ARID1B: variants seen among roughly 807,000 people sequenced by gnomAD.
ARID1B encodes the protein AT-rich interaction domain 1B.
A neutral mutation model predicts 212.3 loss-of-function variants in ARID1B; 30 were observed. The ratio of observed to expected loss-of-function variants is 0.14; its 90% CI spans 0.11 to 0.19. The LOEUF (loss-of-function observed/expected upper bound fraction) is 0.19. Among genes scored for constraint, ARID1B ranks in the 10% least tolerant of loss-of-function variants. The pLI is 1.00. For synonymous variants in ARID1B, 1,402 were observed against 1,301.7 expected, an observed-to-expected ratio of 1.08 and a Z score of -1.66; for missense variants, 2,891 against 3,204.0, an observed-to-expected ratio of 0.90 and a Z score of 2.36.
At chr6:156,844,703 C>CCTA (rs1784112136) in intron 2 of ARID1B, among the ~76,000 whole-genome samples, 1 of 152,014 alleles carries the variant, frequency 6.6e-6, no homozygotes, top group East Asian at 1.9e-4. Context: ...ACTGCCTTGC[C>CCTA]CTGTATTTCC....
intron 15 of ARID1B, among the ~76,000 whole-genome samples, chr6:157,192,470 C>T (rs139033070): frequency 5.5e-4 from 84 of 152,328 alleles, no homozygotes; most frequent in African/African-American, 1.7e-3. Context: ...TCTCACCTTA[C>T]AGTGGGGTTA....
chr6:156,814,534 C>T (rs529449001), intron 1 of ARID1B, among the ~76,000 whole-genome samples: 15 of 152,240 alleles, frequency 9.9e-5, no homozygotes, highest in Admixed American at 5.2e-4. Context: ...TAAGCCTGCC[C>T]GCCTCTATAT....
chr6:156,801,579 A>G (rs1400685138), intron 1 of ARID1B, among the ~76,000 whole-genome samples: 2 of 152,210 alleles, frequency 1.3e-5, no homozygotes, highest in Non-Finnish European at 2.9e-5. Flanking sequence ...AAAAACCATT[A>G]AAACCACATT....
intron 4 of ARID1B, among the ~76,000 whole-genome samples, chr6:157,048,139 T>C (rs939633424): frequency 4.6e-5 from 7 of 152,214 alleles, no homozygotes; most frequent in Non-Finnish European, 8.8e-5. Context: ...CCAAGCCATG[T>C]CAATTTTTGC....
intron 4 of ARID1B, among the ~76,000 whole-genome samples, chr6:157,001,957 G>A (rs1414605266): frequency 4.6e-5 from 7 of 152,184 alleles, no homozygotes; most frequent in African/African-American, 1.7e-4. Flanking sequence ...GAGGTGCCTC[G>A]TATTATTGAG....
At chr6:156,910,620 G>A (rs1789798765) in intron 3 of ARID1B, among the ~76,000 whole-genome samples, 1 of 152,080 alleles carries the variant, frequency 6.6e-6, no homozygotes, top group Non-Finnish European at 1.5e-5. Context: ...GCAAGTCTGG[G>A]ATTCATTTAA....
At chr6:157,064,385 G>A (rs564566627) in intron 4 of ARID1B, among the ~76,000 whole-genome samples, 59 of 152,232 alleles carry the variant, frequency 3.9e-4, no homozygotes, top group Admixed American at 1.4e-3. Flanking sequence ...ATGTGTGTTC[G>A]TAATATTAAA....
At chr6:156,811,579 G>A (rs1345419193) in intron 1 of ARID1B, among the ~76,000 whole-genome samples, 4 of 152,134 alleles carry the variant, frequency 2.6e-5, no homozygotes, top group African/African-American at 9.7e-5. Context: ...ACCTCTCTGT[G>A]TGCCCACATG....
intron 1 of ARID1B, among the ~76,000 whole-genome samples, chr6:156,811,671 A>G (rs533892622): frequency 4.9e-4 from 75 of 152,310 alleles, no homozygotes; most frequent in African/African-American, 1.7e-3. Flanking sequence ...CTCTCTTCTT[A>G]TAAGGACAGC....
intron 4 of ARID1B, among the ~76,000 whole-genome samples, chr6:157,068,326 A>T (rs1216298916): frequency 6.6e-6 from 1 of 152,262 alleles, no homozygotes; most frequent in Non-Finnish European, 1.5e-5. Context: ...TTATGAAGAC[A>T]TTCTCTTCTG....
intron 4 of ARID1B, among the ~76,000 whole-genome samples, chr6:157,017,478 C>A (rs1779976589): frequency 6.6e-6 from 1 of 152,132 alleles, no homozygotes; most frequent in Admixed American, 6.5e-5. Flanking sequence ...TATTAAATGA[C>A]TATTAGATTT....
At chr6:156,875,580 TCA>T (rs1181000309) in intron 2 of ARID1B, among the ~76,000 whole-genome samples, 2 of 152,254 alleles carry the variant, frequency 1.3e-5, no homozygotes, top group African/African-American at 4.8e-5. Flanking sequence ...CTTAAAATTA[TCA>T]CAGTCTTTCT....
intron 9 of ARID1B, among the ~76,000 whole-genome samples, chr6:157,171,696 A>G (rs1354622759): frequency 6.6e-6 from 1 of 152,168 alleles, no homozygotes; most frequent in African/African-American, 2.4e-5. Flanking sequence ...TAATTTTTCT[A>G]TTTGCACACC....
intron 6 of ARID1B, among the ~76,000 whole-genome samples, chr6:157,115,839 G>A (rs1787292506): frequency 6.6e-6 from 1 of 152,138 alleles, no homozygotes; most frequent in African/African-American, 2.4e-5. Flanking sequence ...TTAGTATTCT[G>A]TTGTAACACA....
At chr6:156,816,111 T>C (rs1168660416) in intron 1 of ARID1B, among the ~76,000 whole-genome samples, 3 of 152,240 alleles carry the variant, frequency 2.0e-5, no homozygotes, top group Admixed American at 6.5e-5. Context: ...TTTAGAATAC[T>C]AGAAATAGTG....
intron 3 of ARID1B, among the ~76,000 whole-genome samples, chr6:156,918,032 A>G (rs151021539): frequency 8.5e-4 from 130 of 152,336 alleles, no homozygotes; most frequent in Non-Finnish European, 1.4e-3. Context: ...ATAGGTTTCA[A>G]TTTTTTAACA....
chr6:157,095,076 G>A (rs1785519475), intron 5 of ARID1B, among the ~76,000 whole-genome samples: 1 of 152,168 alleles, frequency 6.6e-6, no homozygotes, highest in South Asian at 2.1e-4. Flanking sequence ...TGAGGCTTTA[G>A]GGTTCAGGAT....
At chr6:157,032,654 T>C (rs1781087177) in intron 4 of ARID1B, among the ~76,000 whole-genome samples, 3 of 152,254 alleles carry the variant, frequency 2.0e-5, no homozygotes, top group Admixed American at 1.3e-4. Context: ...TCCATGATTA[T>C]TAATTGACAT....
intron 6 of ARID1B, among the ~76,000 whole-genome samples, chr6:157,128,872 A>G (rs893484596): frequency 2.0e-5 from 3 of 152,206 alleles, no homozygotes; most frequent in African/African-American, 7.2e-5. Flanking sequence ...TTGAAAAACC[A>G]TTTGCCTTTG....
Sources: allele counts gnomAD v4.1 joint callset (sites outside exome capture counted in the v4.1 genomes callset), GRCh38; gene constraint gnomAD v4.1.1; transcripts MANE v1.5; gene names NCBI Gene and HGNC (gene_info 2026-07-23, HGNC 2026-07-21).